Variants in ITPR2 observed in about 807,000 individuals in gnomAD.
ITPR2 encodes inositol 1,4,5-trisphosphate-gated calcium channel ITPR2.
Under a neutral mutation model 317.1 loss-of-function variants are expected in ITPR2, and 207 were observed. The ratio of observed to expected loss-of-function variants is 0.65; its 90% CI spans 0.58 to 0.73. ITPR2 has a LOEUF of 0.73. Ranked by LOEUF, ITPR2 falls within the 30% of genes least tolerant of loss-of-function variation. ITPR2 has a pLI of 0.00. For missense variants in ITPR2, 2,613 were observed against 3,284.0 expected (o/e 0.80, Z 4.99); for synonymous variants, 1,156 against 1,149.1 (o/e 1.01, Z -0.12).
chr12:26,504,467 T>C (rs1444453705), intron 37 of ITPR2, among the ~76,000 whole-genome samples: 1 of 151,848 alleles, frequency 6.6e-6, no homozygotes, highest in Non-Finnish European at 1.5e-5. Flanking sequence ...GCATTTCATA[T>C]AAGAAACACA....
chr12:26,723,241 C>T (rs1948866639), intron 4 of ITPR2, among the ~76,000 whole-genome samples: 3 of 152,040 alleles, frequency 2.0e-5, no homozygotes, highest in African/African-American at 2.4e-5. Context: ...CATTTTAGTA[C>T]TCACAATATA....
rs1049765470 is a variant in ITPR2 at position 26,656,280 on chromosome 12, C to T, written c.2444+17G>A. The T allele has an allele frequency of 6.2e-7, 1 of 1,612,726 alleles. No homozygotes were observed. Among genetic ancestry groups the T allele is most frequent in the Non-Finnish European group, 8.5e-7 (1 of 1,179,076 alleles). On this transcript the variant is annotated intron_variant, in intron 19 of 56. Transcript: ENST00000381340. ...TCTGATGAATTCCAAAGCCTCAAGA[C>T]CTTTTTCCAAACATACTCATGAATT...
At chr12:26,355,450 G>A (rs550188871) in intron 55 of ITPR2, among the ~76,000 whole-genome samples, 42 of 152,226 alleles carry the variant, frequency 2.8e-4, no homozygotes, top group Non-Finnish European at 5.3e-4. Context: ...CAGTATTTGG[G>A]CAGCTTCTCT....
At chr12:26,720,484 G>A (rs552402850) in intron 5 of ITPR2, among the ~76,000 whole-genome samples, 24 of 152,170 alleles carry the variant, frequency 1.6e-4, no homozygotes, top group African/African-American at 5.5e-4. Context: ...TTAGAAATAC[G>A]CTACCTATTT....
At chr12:26,620,686 T>C (rs1946471653) in intron 26 of ITPR2, among the ~76,000 whole-genome samples, 1 of 152,228 alleles carries the variant, frequency 6.6e-6, no homozygotes, top group Non-Finnish European at 1.5e-5. Flanking sequence ...CATATTGGTC[T>C]TCCATTTAGA....
intron 55 of ITPR2, among the ~76,000 whole-genome samples, chr12:26,363,544 T>C (rs774760082): frequency 5.3e-5 from 8 of 152,188 alleles, no homozygotes; most frequent in Middle Eastern, 6.8e-3. Context: ...CTGATCTAGA[T>C]AATGAGAAAG....
At chr12:26,675,604 A>T (rs1947890141) in intron 13 of ITPR2, among the ~76,000 whole-genome samples, 1 of 152,138 alleles carries the variant, frequency 6.6e-6, no homozygotes, top group African/African-American at 2.4e-5. Flanking sequence ...CTAGATGACG[A>T]GTTAGTGGGT....
At chr12:26,807,805 C>T (rs750625457) in intron 1 of ITPR2, among the ~76,000 whole-genome samples, 3 of 152,140 alleles carry the variant, frequency 2.0e-5, no homozygotes, top group Non-Finnish European at 4.4e-5. Flanking sequence ...AAACTATTCA[C>T]GAAAGGTGCC....
intron 45 of ITPR2, among the ~76,000 whole-genome samples, chr12:26,450,179 C>T (rs1307059105): frequency 6.6e-6 from 1 of 152,144 alleles, no homozygotes; most frequent in East Asian, 1.9e-4. Context: ...CCTGCCAACA[C>T]CTTGGCTTAG....
At position 26,811,483 on chromosome 12, in the gene ITPR2, C is replaced by G. The variant is rs112187844; in HGVS notation, c.92+21207G>C. ...AAAATTGGTTGGGCGCGGTGGCTCA[C>G]GCCTGTAATCCCAGCACTTTGGGAG... is the stretch of plus-strand genomic sequence containing the variant. On this transcript the variant is annotated intron_variant, in intron 1 of 56. Coordinates refer to ENST00000381340, the MANE Select transcript of ITPR2 (RefSeq NM_002223.4). Among the ~76,000 whole-genome samples, 46 of 147,544 alleles carry G rather than the reference C, an allele frequency of 3.1e-4. 1 individual carries two copies. Among genetic ancestry groups the G allele is most frequent in the African/African-American group, 1.0e-3 (42 of 40,004 alleles).
In ITPR2 at chr12:26,696,648, T is replaced by C. The variant is rs988840970; in HGVS notation, c.952-998A>G. Among the ~76,000 whole-genome samples the C allele has an allele frequency of 2.6e-5, 4 of 152,260 alleles. No individual in the cohort carries two copies. The East Asian group carries it at 5.8e-4, about 22-fold the overall frequency. On this transcript the variant is annotated intron_variant, in intron 9 of 56. Transcript: ENST00000381340. ...AAATTCCAAATCTTCAATGAACTGA[T>C]GCTAATTATAAAGTAGATAGTTCTT... is the stretch of plus-strand genomic sequence containing the variant.
intron 26 of ITPR2, among the ~76,000 whole-genome samples, chr12:26,619,033 A>T (rs1330512527): frequency 6.6e-6 from 1 of 152,098 alleles, no homozygotes; most frequent in Non-Finnish European, 1.5e-5. Flanking sequence ...TACTGGCAAT[A>T]CTCTATTTCT....
rs539893744 is a variant in ITPR2, at chr12:26,830,044, C to T, written c.92+2646G>A. Among the ~76,000 whole-genome samples, 13 of 152,318 alleles carry T rather than the reference C, an allele frequency of 8.5e-5. No homozygotes were observed. In the South Asian group the frequency reaches 2.7e-3, roughly 32 times the overall value. ...TCAGCCTCCCGAGTAGCTGGGACTA[C>T]AGGCGTCCGCCACCACGCCCAGCTA... On this transcript the variant is annotated intron_variant, in intron 1 of 56. Transcript: ENST00000381340.
intron 41 of ITPR2, among the ~76,000 whole-genome samples, chr12:26,484,198 A>C (rs1212157456): frequency 4.3e-5 from 6 of 140,174 alleles, no homozygotes; most frequent in Non-Finnish European, 9.9e-5. Flanking sequence ...AAGATAGTTC[A>C]TAATAAACAT....
intron 52 of ITPR2, chr12:26,400,624 G>A (rs932228768): frequency 2.6e-5 from 4 of 152,806 alleles, no homozygotes; most frequent in African/African-American, 9.6e-5. Context: ...AGCCACATAT[G>A]TAATGTCCTC....
Position 26,752,716 on chromosome 12 carries a change from G to A in ITPR2, c.164-26951C>T, listed in dbSNP as rs575420363. On this transcript the variant is annotated intron_variant, in intron 2 of 56. Transcript: ENST00000381340. Reference sequence around the variant, plus strand: ...AAACTTGCTTTCACTTTACGGACTCGCCCTGAATTCTTTCATGCACAAGAT... The same window carrying A: ...AAACTTGCTTTCACTTTACGGACTCACCCTGAATTCTTTCATGCACAAGAT... Among the ~76,000 whole-genome samples the A allele has an allele frequency of 7.9e-5, 12 of 152,116 alleles. 1 individual carries two copies. The highest frequency in any genetic ancestry group is 2.6e-4 in the Admixed American group (4 of 15,272).
At chr12:26,351,083 C>T (rs73079136) in intron 55 of ITPR2, among the ~76,000 whole-genome samples, 2 of 152,346 alleles carry the variant, frequency 1.3e-5, no homozygotes, top group South Asian at 2.1e-4. Flanking sequence ...ACTGCTAGGG[C>T]AGTAACCGGG....
chr12:26,606,590 C>A, intron 26 of ITPR2, among the ~76,000 whole-genome samples: 1 of 147,104 alleles, frequency 6.8e-6, no homozygotes, highest in African/African-American at 2.5e-5. Context: ...ACATCAATAG[C>A]AAAAATTATA....
chr12:26,415,969 T>A (rs1940708346), intron 50 of ITPR2, among the ~76,000 whole-genome samples: 1 of 152,206 alleles, frequency 6.6e-6, no homozygotes, highest in Admixed American at 6.5e-5. Context: ...TTAAATGTAT[T>A]ACTTAATCAA....
Sources: allele counts gnomAD v4.1 joint callset (sites outside exome capture counted in the v4.1 genomes callset), GRCh38; gene constraint gnomAD v4.1.1; transcripts MANE v1.5; gene names NCBI Gene and HGNC (gene_info 2026-07-23, HGNC 2026-07-21).